Variants in BCL2L12 observed in about 807,000 individuals in gnomAD.
The protein encoded by BCL2L12 is bcl-2-like protein 12.
A neutral mutation model predicts 25.7 loss-of-function variants in BCL2L12; 27 were observed. The observed-to-expected ratio is 1.05, with a 90% CI of 0.78 to 1.45. The LOEUF (loss-of-function observed/expected upper bound fraction) is 1.45, where lower values mean the gene tolerates loss of function less well. Among genes scored for constraint, BCL2L12 ranks in the 40% most tolerant of loss-of-function variants. The probability of loss-of-function intolerance (pLI) is 0.00; values close to 1 mark genes in which losing one functional copy is unlikely to be tolerated. For synonymous variants in BCL2L12, 132 were observed against 145.6 expected, an observed-to-expected ratio of 0.91 and a Z score of 0.67; for missense variants, 302 against 329.8, an observed-to-expected ratio of 0.92 and a Z score of 0.65.
chr19:49,669,057 C>CCATA lies in BCL2L12; in HGVS notation c.373_376dup (p.Leu126HisfsTer17), dbSNP rs760140915. Reference sequence around the variant, plus strand: ...GGTCCCCCATCGACAGAGAAGGAAGCCATACTGCGGAGGCTGGTGGCCCTG... The same window carrying CCATA: ...GGTCCCCCATCGACAGAGAAGGAAGCCATACATACTGCGGAGGCTGGTGGCCCTG... On this transcript the variant is annotated frameshift_variant, in exon 5 of 7. Transcript: ENST00000246784. LOFTEE classifies it high-confidence loss of function. 15 of 1,614,018 alleles carry CCATA rather than the reference C, an allele frequency of 9.3e-6. No homozygotes were observed. The highest frequency in any genetic ancestry group is 1.0e-5 in the Non-Finnish European group (12 of 1,180,030).
intron 6 of BCL2L12, among the ~76,000 whole-genome samples, chr19:49,673,017 C>A (rs1387617410): frequency 4.6e-5 from 7 of 152,304 alleles, no homozygotes; most frequent in Admixed American, 1.3e-4. Context: ...CAGGCGCACA[C>A]CACCATGTCC....
chr19:49,665,408 T>G, upstream of BCL2L12: 1 of 180,020 alleles, frequency 5.6e-6, no homozygotes, highest in Non-Finnish European at 1.2e-5. Context: ...CCCCTCCCTC[T>G]CTAGAACCCC....
At chr19:49,668,785 G>A (rs2081884288) in intron 3 of BCL2L12, 66 bp from the exon 4 acceptor site, 2 of 1,453,936 alleles carry the variant, frequency 1.4e-6, no homozygotes, top group African/African-American at 1.4e-5. Flanking sequence ...AAGGTAGTTG[G>A]GGGAAGGAGA....
At chr19:49,666,604 T>C (rs2081778322) in intron 1 of BCL2L12, 81 bp from the exon 2 acceptor site, 2 of 1,087,272 alleles carry the variant, frequency 1.8e-6, no homozygotes, top group South Asian at 3.2e-5. Flanking sequence ...GCACCTTCCT[T>C]GGGACTCACA....
rs757843109 is a variant in BCL2L12, at chr19:49,665,962, G to C, written c.-114G>C. The C allele has an allele frequency of 5.0e-6, 8 of 1,613,186 alleles. No homozygotes were observed. The highest frequency in any genetic ancestry group is 2.2e-5 in the East Asian group (1 of 44,884). On this transcript the variant is annotated 5_prime_UTR_variant, in exon 1 of 7. Coordinates refer to ENST00000246784, the MANE Select transcript of BCL2L12 (RefSeq NM_138639.2). ...TCTACGCTGGGCCGGTTATCGACCC[G>C]GCCCAGTGCGCAGGCGCGGGAAAGT... is the stretch of plus-strand genomic sequence containing the variant.
At position 49,673,837 on chromosome 19, in the gene BCL2L12, T is replaced by G; in HGVS notation, c.*89T>G. On this transcript the variant is annotated 3_prime_UTR_variant, in exon 7 of 7. Transcript: ENST00000246784. ...CAAGTCTTCCTATTCCACTCAGGGC[T>G]GTGGGGTGGTGGTTGCCCTACCTGT... is the stretch of plus-strand genomic sequence containing the variant. 5.4e-6 allele frequency: 8 copies of G among 1,475,550 alleles called. No individual in the cohort carries two copies. Among genetic ancestry groups the G allele is most frequent in the Non-Finnish European group, 7.5e-6 (8 of 1,068,340 alleles). 91.4% of individuals were successfully genotyped at this position (1,475,550 alleles called of 1,614,324 possible). A position where few individuals can be genotyped will look rare whatever the true frequency, so the allele number is the denominator to read the frequency against.
At position 49,672,860 on chromosome 19, in the gene BCL2L12, G is replaced by A. The variant is rs1281382444; in HGVS notation, c.703-838G>A. ...AGTGTTGGGCTCAGCAAAGAAGCTC[G>A]TTTATTTTATTTTATTTTAATTTTT... On this transcript the variant is annotated intron_variant, in intron 6 of 6. Coordinates refer to ENST00000246784, the MANE Select transcript of BCL2L12 (RefSeq NM_138639.2). The surrounding 1 kb of genome is among the most constrained non-coding windows in gnomAD (Gnocchi z 4.1). Among the ~76,000 whole-genome samples the A allele has an allele frequency of 2.6e-5, 4 of 152,030 alleles. No individual in the cohort carries two copies. Among genetic ancestry groups the A allele is most frequent in the African/African-American group, 4.8e-5 (2 of 41,384 alleles).
intron 3 of BCL2L12, 135 bp from the exon 4 acceptor site, chr19:49,668,715 GT>G: frequency 1.1e-6 from 1 of 913,234 alleles, no homozygotes; most frequent in Non-Finnish European, 1.6e-6. Flanking sequence ...GCGAGACTCC[GT>G]TTCCCAAAAT....
rs185852698 is a variant in BCL2L12 at position 49,672,507 on chromosome 19, G to T, written c.703-1191G>T. 6.6e-6 allele frequency among the ~76,000 whole-genome samples: 1 copy of T among 152,220 alleles called. No homozygotes were observed. ...GGCGCTGATTTAGGCGCTAATGGGC[G>T]CCCTCTGGCGGCTGCCTGGGGACAG... On this transcript the variant is annotated intron_variant, in intron 6 of 6. Coordinates refer to ENST00000246784, the MANE Select transcript of BCL2L12 (RefSeq NM_138639.2). This position sits in a 1 kb window ranked among gnomAD's most constrained non-coding sequence, Gnocchi z 4.1.
At chr19:49,668,046 T>A (rs2081859838) in intron 3 of BCL2L12, among the ~76,000 whole-genome samples, 2 of 151,970 alleles carry the variant, frequency 1.3e-5, no homozygotes, top group East Asian at 1.9e-4. Flanking sequence ...TCCCAAAATG[T>A]TGAGATTGCA....
chr19:49,667,246 G>A, intron 3 of BCL2L12, 85 bp downstream of exon 3: 3 of 1,550,710 alleles, frequency 1.9e-6, no homozygotes, highest in Non-Finnish European at 2.6e-6. Flanking sequence ...GGGGGTGGCT[G>A]TGTGGAGTCT....
rs192038576 is a variant in BCL2L12 at position 49,670,616 on chromosome 19, G to C, written c.702+128G>C. On this transcript the variant is annotated intron_variant, in intron 6 of 6. Coordinates refer to ENST00000246784, the MANE Select transcript of BCL2L12 (RefSeq NM_138639.2). ...CTCCCAGCTCCACTGCGTTCGTTCTGTTGAGCCCTTGCTGTATGCCAGGAC... is the reference window on the plus strand; with the variant it reads ...CTCCCAGCTCCACTGCGTTCGTTCTCTTGAGCCCTTGCTGTATGCCAGGAC... The C allele has an allele frequency of 2.1e-4, 270 of 1,302,828 alleles. No individual in the cohort carries two copies. In the African/African-American group the frequency reaches 3.6e-3, roughly 17 times the overall value. 80.7% of individuals were successfully genotyped at this position (1,302,828 alleles called of 1,614,324 possible). A position where few individuals can be genotyped will look rare whatever the true frequency, so the allele number is the denominator to read the frequency against.
chr19:49,665,595 A>C (rs1472096432), upstream of BCL2L12: 4 of 545,934 alleles, frequency 7.3e-6, no homozygotes, highest in South Asian at 2.4e-5. Flanking sequence ...TCGCTCTCGG[A>C]CGCCACCAAC....
chr19:49,673,514 G>A (rs571214474), intron 6 of BCL2L12, among the ~76,000 whole-genome samples, 184 bp from the exon 7 acceptor site: 3 of 151,940 alleles, frequency 2.0e-5, no homozygotes, highest in Non-Finnish European at 2.9e-5. Context: ...CTCCTGCTAG[G>A]ACCCTGCCCC....
At chr19:49,669,173 C>G in intron 5 of BCL2L12, 58 bp downstream of exon 5, 1 of 1,593,574 alleles carries the variant, frequency 6.3e-7, no homozygotes, top group Admixed American at 1.8e-5. Flanking sequence ...TGGTGGGGCA[C>G]TGGGATCAGA....
intron 2 of BCL2L12, 90 bp from the exon 3 acceptor site, chr19:49,666,929 G>GA: frequency 6.5e-7 from 1 of 1,544,032 alleles, no homozygotes; most frequent in South Asian, 1.2e-5. Context: ...TTTGGAGAGA[G>GA]GTCCTCAGCG....
In BCL2L12 at chr19:49,670,306, G is replaced by A. The variant is rs1388577488; in HGVS notation, c.520G>A (p.Asp174Asn). Reference sequence around the variant, plus strand: ...GGTGGAGCTGTTCTGTAGCCGGGATGACAGCTCTCGCCCAAGCCGAGCATG... The same window carrying A: ...GGTGGAGCTGTTCTGTAGCCGGGATAACAGCTCTCGCCCAAGCCGAGCATG... ...RLVELFCSRD[D>N]SSRPSRACPG... The change falls in exon 6 of 7, where the codon GAC (aspartate) becomes AAC (asparagine). Residue 174 changes from aspartate (D) to asparagine (N), a missense_variant. Asp to Asn is a conservative substitution (Grantham distance 23). Coordinates refer to ENST00000246784, the MANE Select transcript of BCL2L12 (RefSeq NM_138639.2). 2 of 1,609,426 alleles carry A rather than the reference G, an allele frequency of 1.2e-6. No homozygotes were observed. Among genetic ancestry groups the A allele is most frequent in the South Asian group, 1.1e-5 (1 of 90,696 alleles).
At chr19:49,668,196 A>G (rs2081866446) in intron 3 of BCL2L12, among the ~76,000 whole-genome samples, 1 of 151,606 alleles carries the variant, frequency 6.6e-6, no homozygotes, top group Admixed American at 6.6e-5. Flanking sequence ...CCCGGGTTCA[A>G]GTAATTCTCC....
Position 49,666,030 on chromosome 19 carries a change from A to G in BCL2L12, c.-46A>G. On this transcript the variant is annotated 5_prime_UTR_variant, in exon 1 of 7. Transcript: ENST00000246784. The stretch of plus-strand genomic sequence containing the variant: ...TACGAGTTCAGTGGAGGAGACCGCA[A>G]GTTGAGTGGAGGAGGCGGCGGTGGG... The G allele has an allele frequency of 6.4e-7, 1 of 1,560,700 alleles. No individual in the cohort carries two copies.
Sources: allele counts gnomAD v4.1 joint callset (sites outside exome capture counted in the v4.1 genomes callset), GRCh38; gene constraint gnomAD v4.1.1; non-coding constraint Gnocchi (gnomAD v3.1); transcripts MANE v1.5; gene names NCBI Gene and HGNC (gene_info 2026-07-23, HGNC 2026-07-21).